ZNF782: variants seen among roughly 807,000 people sequenced by gnomAD.
ZNF782 encodes the protein zinc finger protein 782.
In ZNF782, 12 loss-of-function variants were observed where a neutral mutation model predicts 13.0. That is an observed-to-expected ratio of 0.92 (90% confidence interval 0.59 to 1.50). The LOEUF (loss-of-function observed/expected upper bound fraction) is 1.50. Ranked by LOEUF, ZNF782 falls within the 40% of genes most tolerant of loss-of-function variation. The pLI, the probability that ZNF782 is intolerant of heterozygous loss-of-function variation, is 0.00. For missense variants in ZNF782, 770 were observed against 822.9 expected, an observed-to-expected ratio of 0.94 and a Z score of 0.79; for synonymous variants, 284 against 283.0, an observed-to-expected ratio of 1.00 and a Z score of -0.04.
chr9:96,818,464 C>G lies in ZNF782; in HGVS notation c.1559G>C (p.Gly520Ala), dbSNP rs368495403. ...GTGTGTTCTATGATGTTTCCTCAGG[C>G]CTGACTTCAGTTTGAAAGCTTTCCC... ...ECGKAFKLKSGLRKHHRTHTG... is the reference protein window; with the variant it reads ...ECGKAFKLKSALRKHHRTHTG... Residue 520 changes from glycine to alanine, a missense_variant, in exon 6 of 6, where the codon GGC becomes GCC. Gly to Ala is a moderately conservative substitution (Grantham distance 60). Transcript: ENST00000481138. The G allele has an allele frequency of 2.5e-6, 4 of 1,613,258 alleles. No individual in the cohort carries two copies. The highest frequency in any genetic ancestry group is 1.3e-5 in the African/African-American group (1 of 74,700).
chr9:96,838,809 G>A (rs1168833859), intron 4 of ZNF782, among the ~76,000 whole-genome samples: 2 of 151,268 alleles, frequency 1.3e-5, no homozygotes, highest in Admixed American at 1.3e-4. Context: ...TCCGTCTCCG[G>A]GGTTCAAGTG....
At chr9:96,888,272 C>A in the ZNF782 span, 5 of 151,666 alleles carry the variant, frequency 3.3e-5, no homozygotes, top group South Asian at 2.1e-4. Context: ...ATACAGTAGA[C>A]CTCAGAGCAA....
chr9:96,901,299 ACT>A, the ZNF782 span, among the ~76,000 whole-genome samples: 1 of 134,782 alleles, frequency 7.4e-6, no homozygotes, highest in Non-Finnish European at 1.6e-5. Flanking sequence ...TGAGACAGAG[ACT>A]CTCTCTGTTG....
rs1850224898 is a variant in ZNF782, at chr9:96,817,936, TG to T, written c.2086del (p.His696ThrfsTer16). 3 of 1,564,780 alleles carry T rather than the reference TG, an allele frequency of 1.9e-6. No individual in the cohort carries two copies. Among genetic ancestry groups the T allele is most frequent in the Admixed American group, 2.0e-5 (1 of 49,522 alleles). ...KSSLREHQKA[H>X]PGD is the part of the protein sequence containing the mutation. ...ATATGCATACATTTAATCCCCTGGG[TG>T]GGCTTTCTGATGTTCTCTAAGGCTT... is the stretch of plus-strand genomic sequence containing the variant. On this transcript the variant is annotated frameshift_variant, in exon 6 of 6. Transcript: ENST00000481138. LOFTEE classifies it high-confidence loss of function.
the ZNF782 span, among the ~76,000 whole-genome samples, chr9:96,884,470 C>T: frequency 6.6e-6 from 1 of 152,174 alleles, no homozygotes. Flanking sequence ...CTGATATCAA[C>T]AATATGCAGA....
chr9:96,849,072 C>T (rs1002868536), intron 3 of ZNF782, among the ~76,000 whole-genome samples: 10 of 152,048 alleles, frequency 6.6e-5, no homozygotes, highest in South Asian at 4.1e-4. Context: ...AAAACACAAA[C>T]GGGGGAATGG....
At chr9:96,889,554 C>T in the ZNF782 span, 3 of 152,190 alleles carry the variant, frequency 2.0e-5, no homozygotes, top group African/African-American at 7.2e-5. Flanking sequence ...CATGCGCCAC[C>T]ACGTCCGGCT....
intron 3 of ZNF782, among the ~76,000 whole-genome samples, chr9:96,848,643 C>T (rs946494984): frequency 1.3e-5 from 2 of 152,086 alleles, no homozygotes; most frequent in East Asian, 3.8e-4. Context: ...AAGATCTCTA[C>T]AAGAACTACA....
chr9:96,864,719 A>G (rs1680314323), intron 1 of ZNF782, among the ~76,000 whole-genome samples: 2 of 152,044 alleles, frequency 1.3e-5, no homozygotes. Context: ...AGATTACTCT[A>G]GTTTTATATT....
intron 1 of ZNF782, among the ~76,000 whole-genome samples, chr9:96,867,767 A>G (rs1001405716): frequency 5.3e-5 from 8 of 152,206 alleles, no homozygotes; most frequent in Admixed American, 2.0e-4. Context: ...TGAGCCCTAT[A>G]TCATCAGCAT....
intron 1 of ZNF782, among the ~76,000 whole-genome samples, chr9:96,868,384 C>T (rs143193044): frequency 1.3e-5 from 2 of 152,312 alleles, no homozygotes; most frequent in African/African-American, 2.4e-5. Context: ...GCAAATATCA[C>T]GTAAATGAAG....
At chr9:96,881,992 T>A in the ZNF782 span, among the ~76,000 whole-genome samples, 3 of 135,842 alleles carry the variant, frequency 2.2e-5, no homozygotes, top group Admixed American at 7.2e-5. Flanking sequence ...AGTATGAGTG[T>A]GTGTGTGTGT....
At chr9:96,827,009 C>G in intron 5 of ZNF782, 71 bp downstream of exon 5, 1 of 982,278 alleles carries the variant, frequency 1.0e-6, no homozygotes, top group Non-Finnish European at 1.5e-6. Flanking sequence ...ATTATTATGA[C>G]TATACGCTGA....
At chr9:96,858,147 G>A (rs1351512168), upstream of ZNF782, among the ~76,000 whole-genome samples, 1 of 152,158 alleles carries the variant, frequency 6.6e-6, no homozygotes, top group East Asian at 1.9e-4. The surrounding 1 kb of genome is among the most constrained non-coding windows in gnomAD (Gnocchi z 4.4). Flanking sequence ...TTGTGCATTT[G>A]CTCTTGCTGG....
chr9:96,846,643 T>C (rs528157101), intron 3 of ZNF782, among the ~76,000 whole-genome samples: 2 of 152,164 alleles, frequency 1.3e-5, no homozygotes, highest in South Asian at 2.1e-4. Flanking sequence ...CAAGAAGATA[T>C]TACAATCCCA....
chr9:96,879,143 G>C (rs1851931442), upstream of ZNF782, among the ~76,000 whole-genome samples: 1 of 152,166 alleles, frequency 6.6e-6, no homozygotes, highest in Non-Finnish European at 1.5e-5. Flanking sequence ...TAATAACAAG[G>C]AATAAAAGAG....
intron 4 of ZNF782, among the ~76,000 whole-genome samples, chr9:96,843,876 TA>T (rs1851261623): frequency 6.6e-6 from 1 of 152,160 alleles, no homozygotes; most frequent in Admixed American, 6.6e-5. Flanking sequence ...AAAAAGTCTG[TA>T]AAACATATAT....
the ZNF782 span, among the ~76,000 whole-genome samples, chr9:96,881,988 AGTGT>A: frequency 0.033 from 4,842 of 147,888 alleles, 110 homozygotes; most frequent in African/African-American, 0.066. Flanking sequence ...TGGAAGTATG[AGTGT>A]GTGTGTGTGT....
chr9:96,851,430 A>G (rs1013916472), intron 3 of ZNF782, among the ~76,000 whole-genome samples: 1 of 152,182 alleles, frequency 6.6e-6, no homozygotes, highest in Non-Finnish European at 1.5e-5. Context: ...TTAGAAAAGA[A>G]GAAACAAGAA....
Sources: gnomAD v4.1 joint callset for allele counts (sites outside exome capture counted in the v4.1 genomes callset) on GRCh38, gnomAD v4.1.1 for gene constraint, Gnocchi (gnomAD v3.1) non-coding constraint, MANE v1.5 for transcripts, NCBI Gene and HGNC (gene_info 2026-07-23, HGNC 2026-07-21) for gene names.